Variants in TAFA5 observed in about 807,000 individuals in gnomAD.
TAFA5 encodes chemokine-like protein TAFA-5.
TAFA5 carries 6 observed loss-of-function variants against 15.3 expected under a neutral mutation model. The ratio of observed to expected loss-of-function variants is 0.39; its 90% confidence interval spans 0.21 to 0.77. The LOEUF (loss-of-function observed/expected upper bound fraction) is 0.77. Ranked by LOEUF, TAFA5 falls within the 30% of genes least tolerant of loss-of-function variation. The probability of loss-of-function intolerance (pLI) is 0.41; values close to 1 mark genes in which losing one functional copy is unlikely to be tolerated. For synonymous variants in TAFA5, 103 were observed against 80.7 expected, an observed-to-expected ratio of 1.28 and a Z score of -1.48; for missense variants, 161 against 193.1, an observed-to-expected ratio of 0.83 and a Z score of 0.98.
chr22:48,688,595 C>T (rs1928437707), intron 2 of TAFA5, among the ~76,000 whole-genome samples: 1 of 152,210 alleles, frequency 6.6e-6, no homozygotes, highest in Admixed American at 6.5e-5. Flanking sequence ...GTGGCTTTCC[C>T]TGGCCGGCTC....
intron 3 of TAFA5, among the ~76,000 whole-genome samples, chr22:48,726,946 T>G (rs1929733748): frequency 1.3e-5 from 2 of 152,150 alleles, no homozygotes; most frequent in African/African-American, 4.8e-5. Context: ...TGGCCACTCC[T>G]GGATTCCCTA....
intron 1 of TAFA5, among the ~76,000 whole-genome samples, chr22:48,611,867 C>T (rs560450758): frequency 4.6e-5 from 7 of 152,290 alleles, no homozygotes; most frequent in Non-Finnish European, 8.8e-5. Context: ...TCCAGATGTG[C>T]GGCCCTGAGG....
chr22:48,676,090 A>C (rs1284324903), intron 2 of TAFA5, among the ~76,000 whole-genome samples: 3 of 152,252 alleles, frequency 2.0e-5, no homozygotes, highest in African/African-American at 7.2e-5. Context: ...GGCTGATCTC[A>C]GCCCCCAGAG....
intron 2 of TAFA5, among the ~76,000 whole-genome samples, chr22:48,657,707 C>T (rs1266172195): frequency 2.0e-5 from 3 of 152,168 alleles, no homozygotes; most frequent in Non-Finnish European, 2.9e-5. Flanking sequence ...ATGCCTGCAT[C>T]TCCAGCACAG....
chr22:48,508,040 AC>A (rs1921067031), intron 1 of TAFA5, among the ~76,000 whole-genome samples: 1 of 151,018 alleles, frequency 6.6e-6, no homozygotes, highest in Non-Finnish European at 1.5e-5. Flanking sequence ...GAGAACTGTC[AC>A]TCGGCCCCTA....
At chr22:48,613,048 A>G (rs1044207660) in intron 1 of TAFA5, among the ~76,000 whole-genome samples, 1 of 151,914 alleles carries the variant, frequency 6.6e-6, no homozygotes, top group Non-Finnish European at 1.5e-5. Flanking sequence ...CCTCACTGGC[A>G]CTCAGGGACC....
At chr22:48,654,227 A>AGAG (rs916498726) in intron 2 of TAFA5, among the ~76,000 whole-genome samples, 14 of 151,970 alleles carry the variant, frequency 9.2e-5, no homozygotes, top group Middle Eastern at 3.4e-3. Context: ...AGGAGAGCCA[A>AGAG]GAGGAGGAGG....
intron 2 of TAFA5, among the ~76,000 whole-genome samples, chr22:48,697,043 G>A (rs193190343): frequency 5.9e-5 from 9 of 152,330 alleles, no homozygotes; most frequent in East Asian, 1.9e-4. Flanking sequence ...GGAAGATGGC[G>A]TGCCAGGCAC....
intron 1 of TAFA5, among the ~76,000 whole-genome samples, chr22:48,555,390 G>C (rs1038850523): frequency 6.6e-6 from 1 of 152,196 alleles, no homozygotes; most frequent in Non-Finnish European, 1.5e-5. Context: ...TGCTCAGACC[G>C]TGTCCTGCGA....
chr22:48,749,968 TC>T lies in TAFA5; in HGVS notation c.*124del. 2 of 988,998 alleles carry T rather than the reference TC, an allele frequency of 2.0e-6. No homozygotes were observed. The highest frequency in any genetic ancestry group is 3.1e-6 in the Non-Finnish European group (2 of 652,550). The allele number at this position is 988,998 out of a possible 1,614,324, so 61.3% of individuals were successfully genotyped here. A position where few individuals can be genotyped will look rare whatever the true frequency, so the allele number is the denominator to read the frequency against. Reference sequence around the variant, plus strand: ...TTCTCTGCCGCCCGCCCACTCCGTTTCCCTGTGGTCCGTGAAGGACGGCCTC... The same window carrying T: ...TTCTCTGCCGCCCGCCCACTCCGTTTCCTGTGGTCCGTGAAGGACGGCCTC... On this transcript the variant is annotated 3_prime_UTR_variant, in exon 4 of 4. Coordinates refer to ENST00000402357, the MANE Select transcript of TAFA5 (RefSeq NM_001082967.3).
intron 1 of TAFA5, among the ~76,000 whole-genome samples, chr22:48,554,441 A>C (rs1261487580): frequency 6.6e-6 from 1 of 152,216 alleles, no homozygotes; most frequent in East Asian, 1.9e-4. Context: ...TAAAGTAAAA[A>C]AATGTTCCCA....
At position 48,592,417 on chromosome 22, in the gene TAFA5, G is replaced by A. The variant is rs563981329; in HGVS notation, c.113-54180G>A. Among the ~76,000 whole-genome samples the A allele has an allele frequency of 5.3e-5, 8 of 152,338 alleles. 1 individual carries two copies. Among genetic ancestry groups the A allele is most frequent in the Admixed American group, 5.2e-4 (8 of 15,300 alleles). ...GAGGACCTTGGAGGCTGTGGTGCAG[G>A]TGAAGTGGGAGCCACTACAGGCAGG... On this transcript the variant is annotated intron_variant, in intron 1 of 3. Coordinates refer to ENST00000402357, the MANE Select transcript of TAFA5 (RefSeq NM_001082967.3).
At chr22:48,608,286 G>A (rs999001066) in intron 1 of TAFA5, among the ~76,000 whole-genome samples, 3 of 152,126 alleles carry the variant, frequency 2.0e-5, no homozygotes, top group Admixed American at 6.5e-5. Flanking sequence ...CTGTTTTCTC[G>A]CTATCCAGCA....
At chr22:48,630,467 A>C (rs771659375) in intron 1 of TAFA5, among the ~76,000 whole-genome samples, 26 of 152,050 alleles carry the variant, frequency 1.7e-4, no homozygotes, top group Non-Finnish European at 3.7e-4. Context: ...GCCTTTGTTG[A>C]GTCGTCAGCG....
intron 3 of TAFA5, among the ~76,000 whole-genome samples, chr22:48,719,850 C>T (rs181784255): frequency 6.6e-6 from 1 of 152,246 alleles, no homozygotes. Flanking sequence ...TGGCCGGCGC[C>T]ACATCAGCTA....
At chr22:48,587,018 A>G (rs2147153251) in intron 1 of TAFA5, among the ~76,000 whole-genome samples, 1 of 152,314 alleles carries the variant, frequency 6.6e-6, no homozygotes, top group African/African-American at 2.4e-5. Flanking sequence ...CCCCCTGTCC[A>G]GGGTGCAGGA....
intron 2 of TAFA5, among the ~76,000 whole-genome samples, chr22:48,683,292 G>C (rs922314592): frequency 6.6e-6 from 1 of 152,308 alleles, no homozygotes; most frequent in South Asian, 2.1e-4. Context: ...ACACACAGAC[G>C]AGAGTGCTGG....
At chr22:48,688,358 T>C (rs542613544) in intron 2 of TAFA5, among the ~76,000 whole-genome samples, 1 of 152,356 alleles carries the variant, frequency 6.6e-6, no homozygotes, top group East Asian at 1.9e-4. Context: ...AAATTTTATC[T>C]AATTTTAAGA....
At chr22:48,732,985 G>A (rs971686175) in intron 3 of TAFA5, among the ~76,000 whole-genome samples, 2 of 152,124 alleles carry the variant, frequency 1.3e-5, no homozygotes, top group African/African-American at 4.8e-5. Context: ...GACATGATGT[G>A]TTTGCACACT....
Sources: allele counts gnomAD v4.1 joint callset (sites outside exome capture counted in the v4.1 genomes callset), GRCh38; gene constraint gnomAD v4.1.1; transcripts MANE v1.5; gene names NCBI Gene and HGNC (gene_info 2026-07-23, HGNC 2026-07-21).